Variants in PDS5B observed in about 807,000 individuals in gnomAD.
The protein encoded by PDS5B is PDS5 cohesin associated factor B.
In PDS5B, 51 loss-of-function variants were observed where a neutral mutation model predicts 184.1. The observed-to-expected ratio is 0.28, with a 90% CI of 0.22 to 0.35. PDS5B has a LOEUF of 0.35. Ranked by LOEUF, PDS5B falls within the 10% of genes least tolerant of loss-of-function variation. PDS5B has a pLI of 1.00. For synonymous variants in PDS5B, 566 were observed against 569.2 expected, an observed-to-expected ratio of 0.99 and a Z score of 0.08; for missense variants, 1,180 against 1,723.3, an observed-to-expected ratio of 0.68 and a Z score of 5.58.
intron 1 of PDS5B, among the ~76,000 whole-genome samples, chr13:32,645,522 G>A (rs1950195519): frequency 6.6e-6 from 1 of 152,038 alleles, no homozygotes; most frequent in Non-Finnish European, 1.5e-5. Flanking sequence ...TCTTGAGTTA[G>A]TTTTGGTAAT....
At chr13:32,773,063 C>T in intron 33 of PDS5B, 126 bp from the exon 34 acceptor site, 1 of 715,644 alleles carries the variant, frequency 1.4e-6, no homozygotes, top group Non-Finnish European at 2.2e-6. Flanking sequence ...AAGAAATGTT[C>T]TTGTCTCATA....
At position 32,732,135 on chromosome 13, in the gene PDS5B, A is replaced by G. The variant is rs1953143085; in HGVS notation, c.2158A>G (p.Lys720Glu). Residue 720 changes from lysine (K) to glutamate (E), a missense_variant, in exon 20 of 35, where the codon AAA (lysine) becomes GAA (glutamate). Physicochemically the swap from Lys to Glu is moderately conservative, Grantham distance 56. Around this residue, in one of 11 missense-constraint regions of PDS5B, gnomAD observed 475 missense variants for 691.5 expected, o/e 0.69. Transcript: ENST00000315596. ...TCCTGTTTTACATCACAAATCTAAAAAAGGACCCCCCCGTCAAGCCAAATA... is the reference window on the plus strand; with the variant it reads ...TCCTGTTTTACATCACAAATCTAAAGAAGGACCCCCCCGTCAAGCCAAATA... ...LLPVLHHKSKKGPPRQAKYAI... is the reference protein window; with the variant it reads ...LLPVLHHKSKEGPPRQAKYAI... The G allele has an allele frequency of 6.2e-7, 1 of 1,610,648 alleles. No individual in the cohort carries two copies. The highest frequency in any genetic ancestry group is 1.3e-5 in the African/African-American group (1 of 74,790).
In PDS5B at chr13:32,769,347, C is replaced by T. The variant is rs868355723; in HGVS notation, c.3625-774C>T. On this transcript the variant is annotated intron_variant, in intron 31 of 34. Transcript: ENST00000315596. ...ATAATTCGATAGTTTTTGTTGTTTT[C>T]AGTGATTTTTGAAAATATAAATTGC... Among the ~76,000 whole-genome samples, 3 of 152,214 alleles carry T rather than the reference C, an allele frequency of 2.0e-5. No homozygotes were observed. In the South Asian group the frequency reaches 6.2e-4, roughly 32 times the overall value.
chr13:32,614,135 G>T (rs1420271327), intron 1 of PDS5B, among the ~76,000 whole-genome samples: 2 of 152,026 alleles, frequency 1.3e-5, no homozygotes, highest in Admixed American at 6.6e-5. Context: ...ATGTAGCTTT[G>T]GGGTAAGTTA....
rs1952178918 is a variant in PDS5B at position 32,710,771 on chromosome 13, C to G, written c.2123+665C>G. On this transcript the variant is annotated intron_variant, in intron 19 of 34. Transcript: ENST00000315596. ...GTGGTTGCTTTCACCTCTACCTCAT[C>G]ACTTCTGGCTTACCCATTAGTCTGG... Among the ~76,000 whole-genome samples the G allele has an allele frequency of 2.0e-5, 3 of 152,196 alleles. No individual in the cohort carries two copies. The South Asian group carries it at 6.2e-4, about 31-fold the overall frequency.
chr13:32,773,860 G>A (rs893025876), intron 34 of PDS5B, among the ~76,000 whole-genome samples: 3 of 152,076 alleles, frequency 2.0e-5, no homozygotes, highest in Non-Finnish European at 2.9e-5. Flanking sequence ...GGAGTATAGT[G>A]GCGCACGATC....
Position 32,775,224 on chromosome 13 carries a change from C to A in PDS5B, c.*172C>A. On this transcript the variant is annotated 3_prime_UTR_variant, in exon 35 of 35. Transcript: ENST00000315596. ...ATACATTTGTGGTCACATGCTTTAG[C>A]CATACACATGGTAACATTGACTATG... is the stretch of plus-strand genomic sequence containing the variant. 1.7e-6 allele frequency: 1 copy of A among 605,600 alleles called. No homozygotes were observed. Among genetic ancestry groups the A allele is most frequent in the South Asian group, 2.1e-5 (1 of 47,914 alleles). The allele number at this position is 605,600 out of a possible 1,614,324, so 37.5% of individuals were successfully genotyped here.
At chr13:32,604,727 A>G (rs1160279963) in intron 1 of PDS5B, among the ~76,000 whole-genome samples, 2 of 152,166 alleles carry the variant, frequency 1.3e-5, no homozygotes. Flanking sequence ...TTGGTAGGCT[A>G]TTAATTATTG....
intron 30 of PDS5B, among the ~76,000 whole-genome samples, chr13:32,763,719 G>T (rs1378490270): frequency 6.6e-6 from 1 of 152,136 alleles, no homozygotes; most frequent in African/African-American, 2.4e-5. Flanking sequence ...GGAAGAACAG[G>T]CTCTGTTTGT....
intron 30 of PDS5B, among the ~76,000 whole-genome samples, chr13:32,763,265 T>C (rs1159655217): frequency 6.6e-6 from 1 of 152,142 alleles, no homozygotes; most frequent in Admixed American, 6.6e-5. Context: ...CCAGGGAGTC[T>C]AGCAATCTCA....
At chr13:32,596,893 C>G (rs944641300) in intron 1 of PDS5B, among the ~76,000 whole-genome samples, 3 of 152,050 alleles carry the variant, frequency 2.0e-5, no homozygotes, top group African/African-American at 7.3e-5. Context: ...AATTCTATGT[C>G]AGATCAGAGT....
chr13:32,600,674 G>T (rs555470666), intron 1 of PDS5B, among the ~76,000 whole-genome samples: 14 of 152,340 alleles, frequency 9.2e-5, no homozygotes, highest in African/African-American at 3.4e-4. Context: ...GGGAAGCAGA[G>T]GTTGCAGTGA....
In PDS5B at chr13:32,774,592, T is replaced by C. The variant is rs546517933; in HGVS notation, c.4309-425T>C. Among the ~76,000 whole-genome samples, 12 of 152,370 alleles carry C rather than the reference T, an allele frequency of 7.9e-5. No homozygotes were observed. The East Asian group carries it at 2.3e-3, about 29-fold the overall frequency. On this transcript the variant is annotated intron_variant, in intron 34 of 34. Transcript: ENST00000315596. ...TTGAATTTTAGGTTATTTTACTGTA[T>C]TGATAATTGTTAAGATCCAAACTCA...
chr13:32,770,955 G>T, intron 33 of PDS5B, 194 bp downstream of exon 33: 1 of 575,446 alleles, frequency 1.7e-6, no homozygotes, highest in Admixed American at 3.2e-5. Context: ...TACAGGTGCA[G>T]GCAAATCTTC....
At position 32,742,635 on chromosome 13, in the gene PDS5B, A is replaced by G. The variant is rs750043454; in HGVS notation, c.2520A>G (p.Lys840=). The G allele has an allele frequency of 6.2e-7, 1 of 1,612,034 alleles. No homozygotes were observed. Among genetic ancestry groups the G allele is most frequent in the South Asian group, 1.1e-5 (1 of 91,020 alleles). Residue 840 remains lysine, a synonymous_variant, in exon 23 of 35, where the codon AAA becomes AAG. Coordinates refer to ENST00000315596, the MANE Select transcript of PDS5B (RefSeq NM_015032.4). ...KMMVRWLLGM[K]NNHSKSGTST... Reference sequence around the variant, plus strand: ...TGGTTCGATGGCTACTTGGAATGAAAAATAATCACAGTAAATCAGGAACTT... The same window carrying G: ...TGGTTCGATGGCTACTTGGAATGAAGAATAATCACAGTAAATCAGGAACTT...
chr13:32,738,791 C>T (rs538025741), intron 21 of PDS5B, among the ~76,000 whole-genome samples: 2 of 152,212 alleles, frequency 1.3e-5, no homozygotes, highest in Non-Finnish European at 2.9e-5. Flanking sequence ...CCTGTCTCAG[C>T]CTCCCGAGTA....
chr13:32,587,742 A>G (rs2057712965), intron 1 of PDS5B, among the ~76,000 whole-genome samples: 1 of 152,180 alleles, frequency 6.6e-6, no homozygotes, highest in African/African-American at 2.4e-5. Flanking sequence ...ACCCTTTTTT[A>G]TGTCGAAGAA....
At chr13:32,642,262 C>T (rs1950116117) in intron 1 of PDS5B, among the ~76,000 whole-genome samples, 1 of 152,082 alleles carries the variant, frequency 6.6e-6, no homozygotes, top group African/African-American at 2.4e-5. Flanking sequence ...TTCATTATTT[C>T]CTGAGTGCCT....
intron 1 of PDS5B, among the ~76,000 whole-genome samples, chr13:32,591,704 T>G (rs1327856066): frequency 6.6e-6 from 1 of 152,190 alleles, no homozygotes; most frequent in Non-Finnish European, 1.5e-5. Flanking sequence ...TGTATTTCTT[T>G]GTGAGTGAAG....
Sources: allele counts gnomAD v4.1 joint callset (sites outside exome capture counted in the v4.1 genomes callset), GRCh38; gene constraint gnomAD v4.1.1; regional missense constraint gnomAD v4.1.1; transcripts MANE v1.5; gene names NCBI Gene and HGNC (gene_info 2026-07-23, HGNC 2026-07-21).